The following DUOX1 variants were observed in gnomAD, a reference collection of about 807,000 sequenced individuals.
DUOX1 encodes the protein NADPH thyroid oxidase 1.
A neutral mutation model predicts 181.8 loss-of-function variants in DUOX1; 134 were observed. The observed-to-expected ratio is 0.74, with a 90% CI of 0.64 to 0.85. The LOEUF is 0.85. Ranked by LOEUF, DUOX1 falls within the 40% of genes least tolerant of loss-of-function variation. DUOX1 has a pLI of 0.00. For synonymous variants in DUOX1, 798 were observed against 832.5 expected, an observed-to-expected ratio of 0.96 and a Z score of 0.71; for missense variants, 1,814 against 2,064.4, an observed-to-expected ratio of 0.88 and a Z score of 2.35.
intron 9 of DUOX1, 97 bp downstream of exon 9, chr15:45,136,722 C>G (rs1435116221): frequency 2.7e-6 from 3 of 1,116,480 alleles, no homozygotes; most frequent in Non-Finnish European, 4.0e-6. Flanking sequence ...GATTATCAGT[C>G]TGAAGTGTCC....
chr15:45,139,033 C>A, intron 10 of DUOX1, 33 bp from the exon 11 acceptor site: 1 of 1,596,786 alleles, frequency 6.3e-7, no homozygotes, highest in Non-Finnish European at 8.5e-7. Context: ...CCATTAACCA[C>A]ACCCCTTTCC....
intron 30 of DUOX1, 70 bp from the exon 31 acceptor site, chr15:45,162,149 T>C: frequency 6.4e-7 from 1 of 1,557,590 alleles, no homozygotes; most frequent in East Asian, 2.3e-5. Context: ...ACCTTTCCTT[T>C]TCTCTCATTT....
intron 23 of DUOX1, among the ~76,000 whole-genome samples, chr15:45,151,511 T>C (rs1896801722): frequency 6.6e-6 from 1 of 152,190 alleles, no homozygotes; most frequent in Non-Finnish European, 1.5e-5. Flanking sequence ...AGGTCAGAGA[T>C]GCCTTCATGG....
In DUOX1 at chr15:45,141,313, T is replaced by G; in HGVS notation, c.1587T>G (p.Ile529Met). ...TRNGLFSKKE[I>M]EEIRNTTLQD... Reference sequence around the variant, plus strand: ...TTAGGCTGTTCTCCAAGAAGGAGATTGAAGAAATCCGAAATACCACCCTGC... The same window carrying G: ...TTAGGCTGTTCTCCAAGAAGGAGATGGAAGAAATCCGAAATACCACCCTGC... The change falls in exon 14 of 34, where the codon ATT (isoleucine) becomes ATG (methionine). Residue 529 changes from isoleucine to methionine, a missense_variant. Transcript: ENST00000389037. 6 of 1,614,178 alleles carry G rather than the reference T, an allele frequency of 3.7e-6. No homozygotes were observed. The highest frequency in any genetic ancestry group is 5.1e-6 in the Non-Finnish European group (6 of 1,180,024).
chr15:45,143,604 T>C (rs1362494362), intron 16 of DUOX1, among the ~76,000 whole-genome samples: 3 of 152,172 alleles, frequency 2.0e-5, no homozygotes, highest in Non-Finnish European at 4.4e-5. Context: ...ACGCTGGAAC[T>C]CCAGGCAACA....
intron 26 of DUOX1, 73 bp from the exon 27 acceptor site, chr15:45,153,878 C>T: frequency 2.3e-6 from 3 of 1,325,036 alleles, no homozygotes; most frequent in Non-Finnish European, 3.2e-6. Flanking sequence ...CAGAGCAAGA[C>T]TCTGCCTCAA....
At chr15:45,135,331 C>T in intron 5 of DUOX1, 40 bp downstream of exon 5, 1 of 1,543,586 alleles carries the variant, frequency 6.5e-7, no homozygotes, top group Non-Finnish European at 8.7e-7. Flanking sequence ...CGCACCCCAG[C>T]CAGGTGGGAC....
chr15:45,136,852 C>G (rs935037426), intron 9 of DUOX1, among the ~76,000 whole-genome samples: 8 of 152,008 alleles, frequency 5.3e-5, no homozygotes, highest in Admixed American at 1.3e-4. Context: ...ACCCTCCCCC[C>G]CACCATTAAA....
intron 8 of DUOX1, 57 bp from the exon 9 acceptor site, chr15:45,136,472 C>T (rs1361857284): frequency 1.9e-6 from 3 of 1,613,764 alleles, no homozygotes; most frequent in Non-Finnish European, 1.7e-6. Flanking sequence ...GGGGTGGGGA[C>T]TACGTTGGGG....
chr15:45,153,921 A>T (rs764764310), intron 26 of DUOX1, 30 bp from the exon 27 acceptor site: 2 of 1,587,954 alleles, frequency 1.3e-6, no homozygotes, highest in African/African-American at 2.7e-5. Context: ...TCTCCTCTCA[A>T]GGTGTCTCTT....
At chr15:45,137,360 CAAAAAAAA>C (rs748162336) in intron 9 of DUOX1, among the ~76,000 whole-genome samples, 3 of 46,466 alleles carry the variant, frequency 6.5e-5, no homozygotes, top group East Asian at 7.0e-4. Flanking sequence ...AACTCCATCT[CAAAAAAAA>C]AAAAAAAAAA....
At chr15:45,139,190 C>T in intron 11 of DUOX1, 22 bp downstream of exon 11, 1 of 1,614,020 alleles carries the variant, frequency 6.2e-7, no homozygotes, top group Non-Finnish European at 8.5e-7. Flanking sequence ...GCTGTCCCTG[C>T]AGGTTGTGAA....
chr15:45,151,380 C>A, intron 23 of DUOX1, 132 bp downstream of exon 23: 1 of 1,172,038 alleles, frequency 8.5e-7, no homozygotes, highest in Non-Finnish European at 1.2e-6. Flanking sequence ...TGCCCAAGAA[C>A]ATCACAATCT....
rs1222935468 is a variant in DUOX1 at position 45,147,036 on chromosome 15, C to G, written c.2323-397C>G. On this transcript the variant is annotated intron_variant, in intron 18 of 33. Transcript: ENST00000389037. Reference sequence around the variant, plus strand: ...AGAATACAGAGATGTCTCAGGAATTCCAAAGGGAGGACATCAACCTGGCCT... The same window carrying G: ...AGAATACAGAGATGTCTCAGGAATTGCAAAGGGAGGACATCAACCTGGCCT... 2.0e-5 allele frequency among the ~76,000 whole-genome samples: 3 copies of G among 152,198 alleles called. No homozygotes were observed. The East Asian group carries it at 5.8e-4, about 29-fold the overall frequency.
rs1896325114 is a variant in DUOX1, at chr15:45,136,620, C to T, written c.1017C>T (p.Tyr339=). 6.2e-7 allele frequency: 1 copy of T among 1,613,860 alleles called. No homozygotes were observed. Among genetic ancestry groups the T allele is most frequent in the African/African-American group, 1.3e-5 (1 of 74,886 alleles). ...FLSTMVPPGV[Y]MRNASCHFQG... ...CCACCATGGTGCCCCCTGGCGTCTA[C>T]ATGAGGTGAGGGAGGGGCTCAAAGG... is the stretch of plus-strand genomic sequence containing the variant. Residue 339 remains tyrosine (Y), a synonymous_variant, in exon 9 of 34, where the codon TAC becomes TAT. Transcript: ENST00000389037.
chr15:45,151,888 A>C lies in DUOX1; in HGVS notation c.3029A>C (p.Gln1010Pro). 6.2e-7 allele frequency: 1 copy of C among 1,613,048 alleles called. No homozygotes were observed. The highest frequency in any genetic ancestry group is 8.5e-7 in the Non-Finnish European group (1 of 1,179,514). ...RRFGKKVTSF[Q>P]PLLFTEAHRE... ...CTGTCTCCCAGGGTAACGTCATTCC[A>C]GCCCTTGCTGTTCACTGAGGCGCAC... Residue 1010 changes from glutamine (Q) to proline (P), a missense_variant, in exon 24 of 34, where the codon CAG (glutamine) becomes CCG (proline). Around this residue, in one of 5 missense-constraint regions of DUOX1, gnomAD observed 1,064 missense variants for 1,152.9 expected, o/e 0.92. Coordinates refer to ENST00000389037, the MANE Select transcript of DUOX1 (RefSeq NM_175940.3).
In DUOX1 at chr15:45,154,112, C is replaced by G; in HGVS notation, c.3574+112C>G. 4 of 1,010,332 alleles carry G rather than the reference C, an allele frequency of 4.0e-6. No individual in the cohort carries two copies. In the Admixed American group the frequency reaches 7.0e-5, roughly 18 times the overall value. The allele number at this position is 1,010,332 out of a possible 1,614,324, so 62.6% of individuals were successfully genotyped here. A position where few individuals can be genotyped will look rare whatever the true frequency, so the allele number is the denominator to read the frequency against. On this transcript the variant is annotated intron_variant, in intron 27 of 33. Coordinates refer to ENST00000389037, the MANE Select transcript of DUOX1 (RefSeq NM_175940.3). ...TCACTCACTCAGCTCTTCCGGTGAC[C>G]CAGGCTCTGTCCTCTGGCCTGAGGA... is the stretch of plus-strand genomic sequence containing the variant.
Position 45,147,483 on chromosome 15 carries a change from C to T in DUOX1, c.2373C>T (p.Ser791=), listed in dbSNP as rs1261143742. 1 of 1,614,078 alleles carries T rather than the reference C, an allele frequency of 6.2e-7. No individual in the cohort carries two copies. Among genetic ancestry groups the T allele is most frequent in the Admixed American group, 1.7e-5 (1 of 60,022 alleles). The change falls in exon 19 of 34, where the codon TCC becomes TCT. Residue 791 remains serine, a synonymous_variant. Coordinates refer to ENST00000389037, the MANE Select transcript of DUOX1 (RefSeq NM_175940.3). The part of the protein sequence containing the change: ...ADAGTLPLDS[S]QKVREALTCE... ...CAGGGACCCTGCCCCTGGACTCCTC[C>T]CAGAAGGTGCGGGAGGCCCTGACCT...
At chr15:45,132,798 A>G (rs1372178773) in intron 2 of DUOX1, among the ~76,000 whole-genome samples, 1 of 151,852 alleles carries the variant, frequency 6.6e-6, no homozygotes, top group Non-Finnish European at 1.5e-5. Flanking sequence ...CTCACCTCTT[A>G]TCCCCAAGAG....
Sources: gnomAD v4.1 joint callset for allele counts (sites outside exome capture counted in the v4.1 genomes callset) on GRCh38, gnomAD v4.1.1 for gene constraint, gnomAD v4.1.1 regional missense constraint, MANE v1.5 for transcripts, NCBI Gene and HGNC (gene_info 2026-07-23, HGNC 2026-07-21) for gene names.